ABCG5: variants seen among roughly 807,000 people sequenced by gnomAD.
ABCG5 encodes the protein ATP-binding cassette sub-family G member 5.
ABCG5 carries 64 observed loss-of-function variants against 64.5 expected under a neutral mutation model. The observed-to-expected ratio is 0.99, with a 90% CI of 0.81 to 1.22. ABCG5 has a LOEUF of 1.22. ABCG5 is among the 50% of genes most tolerant of loss of function. ABCG5 has a pLI of 0.00. For missense variants in ABCG5, 908 were observed against 829.5 expected (o/e 1.09, Z -1.16); for synonymous variants, 385 against 326.3 (o/e 1.18, Z -1.94).
At chr2:43,830,198 A>G (rs1178212574) in intron 4 of ABCG5, among the ~76,000 whole-genome samples, 1 of 152,218 alleles carries the variant, frequency 6.6e-6, no homozygotes, top group Non-Finnish European at 1.5e-5. Context: ...CCCAGCAGGA[A>G]TGCTCTCCCA....
chr2:43,811,138 C>A (rs918623879), downstream of ABCG5, among the ~76,000 whole-genome samples: 2 of 152,160 alleles, frequency 1.3e-5, no homozygotes, highest in Admixed American at 1.3e-4. Context: ...AAGTTGAAAT[C>A]AGTGATTTCA....
intron 12 of ABCG5, 72 bp from the exon 13 acceptor site, chr2:43,813,381 G>A: frequency 9.0e-7 from 1 of 1,113,412 alleles, no homozygotes; most frequent in Non-Finnish European, 1.3e-6. Context: ...TATTTACCAA[G>A]CGCTTGCTAA....
chr2:43,823,907 A>G lies in ABCG5; in HGVS notation c.1324+6T>C. Reference sequence around the variant, plus strand: ...AGAGGTGCACCTCCAGCACGTGGGCACTTACACAGATTCACAGCGTTCAGC... The same window carrying G: ...AGAGGTGCACCTCCAGCACGTGGGCGCTTACACAGATTCACAGCGTTCAGC... On this transcript the variant is annotated splice_donor_region_variant and intron_variant, in intron 9 of 12. Coordinates refer to ENST00000405322, the MANE Select transcript of ABCG5 (RefSeq NM_022436.3). 1 of 1,613,806 alleles carries G rather than the reference A, an allele frequency of 6.2e-7. No homozygotes were observed. Among genetic ancestry groups the G allele is most frequent in the Non-Finnish European group, 8.5e-7 (1 of 1,179,764 alleles).
In ABCG5 at chr2:43,823,924, G is replaced by A. The variant is rs751198635; in HGVS notation, c.1313C>T (p.Ala438Val). The A allele has an allele frequency of 5.0e-6, 8 of 1,614,152 alleles. 1 individual carries two copies. In the East Asian group the frequency reaches 8.9e-5, roughly 18 times the overall value. The change falls in exon 9 of 13, where the codon GCT becomes GTT. Residue 438 changes from alanine (A) to valine (V), a missense_variant. Transcript: ENST00000405322. ...GATPYTGMLN[A>V]VNLFPVLRAV... ...ACGTGGGCACTTACACAGATTCACAGCGTTCAGCATGCCTGTGTACGGGGT... is the reference window on the plus strand; with the variant it reads ...ACGTGGGCACTTACACAGATTCACAACGTTCAGCATGCCTGTGTACGGGGT...
At chr2:43,813,416 C>G (rs1367876610) in intron 12 of ABCG5, 107 bp from the exon 13 acceptor site, 4 of 795,758 alleles carry the variant, frequency 5.0e-6, no homozygotes, top group Non-Finnish European at 8.6e-6. Context: ...AAATACAGGA[C>G]ACTTTAGCAA....
At chr2:43,816,887 T>A (rs935612846) in intron 11 of ABCG5, among the ~76,000 whole-genome samples, 3 of 152,258 alleles carry the variant, frequency 2.0e-5, no homozygotes, top group African/African-American at 7.2e-5. Context: ...ACATTTATAT[T>A]GTGAGCACTT....
chr2:43,807,743 C>CAAAAAAAAA (rs536977133), downstream of ABCG5, among the ~76,000 whole-genome samples: 1 of 41,616 alleles, frequency 2.4e-5, no homozygotes, highest in African/African-American at 7.2e-5. Context: ...TTTGTTAAAG[C>CAAAAAAAAA]AAAAAAAAAA....
intron 2 of ABCG5, among the ~76,000 whole-genome samples, chr2:43,836,320 T>A (rs1668264079): frequency 6.6e-6 from 1 of 152,200 alleles, no homozygotes; most frequent in African/African-American, 2.4e-5. Flanking sequence ...TGGATTCAAT[T>A]CCCTGAGTCT....
chr2:43,834,805 A>G (rs900265224), intron 2 of ABCG5, among the ~76,000 whole-genome samples: 1 of 152,246 alleles, frequency 6.6e-6, no homozygotes, highest in Non-Finnish European at 1.5e-5. Context: ...AATAAGTTGG[A>G]GTTCCCCTGG....
At chr2:43,821,449 T>C (rs1260764606) in intron 10 of ABCG5, among the ~76,000 whole-genome samples, 3 of 152,146 alleles carry the variant, frequency 2.0e-5, no homozygotes, top group Non-Finnish European at 4.4e-5. Context: ...CTCAAAATGG[T>C]TTCGCTCCCA....
chr2:43,820,190 G>A, intron 10 of ABCG5, 90 bp from the exon 11 acceptor site: 1 of 1,476,502 alleles, frequency 6.8e-7, no homozygotes, highest in Non-Finnish European at 9.3e-7. Flanking sequence ...ATCCTTTGTG[G>A]TGAGTGGGTG....
At chr2:43,823,841 T>C in intron 9 of ABCG5, 72 bp downstream of exon 9, 2 of 1,549,648 alleles carry the variant, frequency 1.3e-6, no homozygotes, top group Non-Finnish European at 1.8e-6. Context: ...TGGTAGACTT[T>C]TGTAAGGTTA....
chr2:43,818,484 C>T (rs530487937), intron 11 of ABCG5, among the ~76,000 whole-genome samples: 1 of 152,170 alleles, frequency 6.6e-6, no homozygotes, highest in South Asian at 2.1e-4. Flanking sequence ...TTCTACAGAA[C>T]GAGTATCACT....
At chr2:43,806,338 C>A in the ABCG5 span, among the ~76,000 whole-genome samples, 10 of 152,128 alleles carry the variant, frequency 6.6e-5, no homozygotes, top group Admixed American at 5.9e-4. Flanking sequence ...CACGTTGTTG[C>A]GAGGGTAACC....
At chr2:43,809,293 G>A (rs1336585888), downstream of ABCG5, among the ~76,000 whole-genome samples, 1 of 152,058 alleles carries the variant, frequency 6.6e-6, no homozygotes, top group Non-Finnish European at 1.5e-5. Context: ...CACCCAGCCT[G>A]GGTATGTATT....
chr2:43,809,473 T>C (rs1666401881), downstream of ABCG5, among the ~76,000 whole-genome samples: 1 of 152,246 alleles, frequency 6.6e-6, no homozygotes, highest in African/African-American at 2.4e-5. Context: ...TCTGAAAGTT[T>C]AATAAATTCA....
At chr2:43,822,480 C>CA in intron 10 of ABCG5, 2 of 737,110 alleles carry the variant, frequency 2.7e-6, no homozygotes, top group Non-Finnish European at 3.1e-6. Flanking sequence ...TCCCCCAGGC[C>CA]CCCCCCCATG....
chr2:43,831,879 T>TCGGG lies in ABCG5; in HGVS notation c.403-16_403-13dup. The TCGGG allele has an allele frequency of 6.7e-7, 1 of 1,500,570 alleles. No individual in the cohort carries two copies. Among genetic ancestry groups the TCGGG allele is most frequent in the South Asian group, 1.2e-5 (1 of 83,740 alleles). 93.0% of individuals were successfully genotyped at this position (1,500,570 alleles called of 1,614,324 possible). On this transcript the variant is annotated splice_polypyrimidine_tract_variant and intron_variant, in intron 3 of 12. Transcript: ENST00000405322. ...AGCAGGGTGTCGCTCTGCAGGAGAC[T>TCGGG]CGGGCGTCAGTGTAGCCTAAGCCCC...
At chr2:43,826,333 C>T (rs946756764) in intron 6 of ABCG5, 49 bp downstream of exon 6, 1 of 1,612,342 alleles carries the variant, frequency 6.2e-7, no homozygotes, top group African/African-American at 1.3e-5. Flanking sequence ...CCCTGTGATT[C>T]CCAGCTCAAC....
Sources: allele counts gnomAD v4.1 joint callset (sites outside exome capture counted in the v4.1 genomes callset), GRCh38; gene constraint gnomAD v4.1.1; transcripts MANE v1.5; gene names NCBI Gene and HGNC (gene_info 2026-07-23, HGNC 2026-07-21).